LTBR: variants seen among roughly 807,000 people sequenced by gnomAD.
LTBR encodes the protein lymphotoxin beta receptor.
Under a neutral mutation model 45.4 loss-of-function variants are expected in LTBR, and 15 were observed. That is an observed-to-expected ratio of 0.33 (90% CI 0.22 to 0.51). LTBR has a LOEUF of 0.51. Ranked by LOEUF, LTBR falls within the 20% of genes least tolerant of loss-of-function variation. The pLI, the probability that LTBR is intolerant of heterozygous loss-of-function variation, is 0.97. For synonymous variants in LTBR, 228 were observed against 231.0 expected (o/e 0.99, Z 0.12); for missense variants, 450 against 565.5 (o/e 0.80, Z 2.07).
In LTBR at chr12:6,390,281, C is replaced by A; in HGVS notation, c.971C>A (p.Pro324His). ...GCAGGGGTGCCGCAACAGCAGAGTC[C>A]TCTGGACCTGACCAGGGAGCCGCAG... Reference protein sequence around the residue: ...LEAGVPQQQSPLDLTREPQLE... With the variant: ...LEAGVPQQQSHLDLTREPQLE... Residue 324 changes from proline to histidine, a missense_variant, in exon 9 of 10, where the codon CCT (proline) becomes CAT (histidine). Transcript: ENST00000228918. 6.2e-7 allele frequency: 1 copy of A among 1,613,888 alleles called. No homozygotes were observed. The highest frequency in any genetic ancestry group is 1.3e-5 in the African/African-American group (1 of 74,980).
chr12:6,384,246 T>C lies in LTBR; in HGVS notation c.-113T>C, dbSNP rs1949012101. 1 of 1,401,678 alleles carries C rather than the reference T, an allele frequency of 7.1e-7. No homozygotes were observed. The highest frequency in any genetic ancestry group is 1.5e-5 in the African/African-American group (1 of 66,654). The allele number at this position is 1,401,678 out of a possible 1,614,324, so 86.8% of individuals were successfully genotyped here. A position where few individuals can be genotyped will look rare whatever the true frequency, so the allele number is the denominator to read the frequency against. Reference sequence around the variant, plus strand: ...CCCTGGGGTGCACATCGGCCCTGAGTCCCGTCCCAGGCTCTGGGCTCGGGC... The same window carrying C: ...CCCTGGGGTGCACATCGGCCCTGAGCCCCGTCCCAGGCTCTGGGCTCGGGC... On this transcript the variant is annotated 5_prime_UTR_variant, in exon 1 of 10. Coordinates refer to ENST00000228918, the MANE Select transcript of LTBR (RefSeq NM_002342.3).
rs1949109709 is a variant in LTBR, at chr12:6,391,148, G to A, written c.*211G>A. 2.2e-6 allele frequency: 1 copy of A among 453,884 alleles called. No individual in the cohort carries two copies. Among genetic ancestry groups the A allele is most frequent in the Non-Finnish European group, 3.7e-6 (1 of 268,806 alleles). The allele number at this position is 453,884 out of a possible 1,614,324, so 28.1% of individuals were successfully genotyped here. A position where few individuals can be genotyped will look rare whatever the true frequency, so the allele number is the denominator to read the frequency against. ...CTCCCTACTGCCTGAGCAAACCTGA[G>A]GCCTCCCGGCAGACCCACCCACCCC... On this transcript the variant is annotated 3_prime_UTR_variant, in exon 10 of 10. Transcript: ENST00000228918.
Position 6,388,355 on chromosome 12 carries a change from C to T in LTBR, c.668-43C>T, listed in dbSNP as rs777441621. ...CTTCCTTCTCCTCCTCCCCTCTGCCCTTCTTGGGGCTGTGATCACCCTCCT... is the reference window on the plus strand; with the variant it reads ...CTTCCTTCTCCTCCTCCCCTCTGCCTTTCTTGGGGCTGTGATCACCCTCCT... On this transcript the variant is annotated intron_variant, in intron 6 of 9. Coordinates refer to ENST00000228918, the MANE Select transcript of LTBR (RefSeq NM_002342.3). The surrounding 1 kb of genome is among the most constrained non-coding windows in gnomAD (Gnocchi z 4.3). 2 of 1,462,438 alleles carry T rather than the reference C, an allele frequency of 1.4e-6. No homozygotes were observed. Among genetic ancestry groups the T allele is most frequent in the South Asian group, 2.3e-5 (2 of 88,126 alleles). The allele number at this position is 1,462,438 out of a possible 1,614,324, so 90.6% of individuals were successfully genotyped here.
chr12:6,388,922 C>A lies in LTBR; in HGVS notation c.801+97C>A. On this transcript the variant is annotated intron_variant, in intron 8 of 9. Coordinates refer to ENST00000228918, the MANE Select transcript of LTBR (RefSeq NM_002342.3). The surrounding 1 kb of genome is among the most constrained non-coding windows in gnomAD (Gnocchi z 4.3). ...AGAGAGTATGCAGGCTGACTCCACA[C>A]TCATTCATTCATTCAACTGATGATT... 1 of 1,405,216 alleles carries A rather than the reference C, an allele frequency of 7.1e-7. No individual in the cohort carries two copies. The highest frequency in any genetic ancestry group is 1.0e-6 in the Non-Finnish European group (1 of 995,464). 87.0% of individuals were successfully genotyped at this position (1,405,216 alleles called of 1,614,324 possible). A position where few individuals can be genotyped will look rare whatever the true frequency, so the allele number is the denominator to read the frequency against.
chr12:6,380,653 G>A (rs1948974087), upstream of LTBR, among the ~76,000 whole-genome samples: 1 of 149,852 alleles, frequency 6.7e-6, no homozygotes, highest in Non-Finnish European at 1.5e-5. Context: ...TTGCACCATT[G>A]CACTCCAGCC....
At position 6,386,993 on chromosome 12, in the gene LTBR, T is replaced by C. The variant is rs942243244; in HGVS notation, c.667+549T>C. On this transcript the variant is annotated intron_variant, in intron 6 of 9. Coordinates refer to ENST00000228918, the MANE Select transcript of LTBR (RefSeq NM_002342.3). This position sits in a 1 kb window ranked among gnomAD's most constrained non-coding sequence, Gnocchi z 4.1. ...CATTTACTAACTCATTTAATCTTCT[T>C]AATGATGCTATGAAGTAGATTCTAT... The C allele has an allele frequency of 2.6e-5, 4 of 152,558 alleles. No individual in the cohort carries two copies. Among genetic ancestry groups the C allele is most frequent in the Admixed American group, 1.3e-4 (2 of 15,318 alleles). 9.5% of individuals were successfully genotyped at this position (152,558 alleles called of 1,614,324 possible).
rs1949112106 is a variant in LTBR at position 6,391,366 on chromosome 12, T to C, written c.*429T>C. 1.3e-5 allele frequency: 2 copies of C among 156,320 alleles called. No individual in the cohort carries two copies. Among genetic ancestry groups the C allele is most frequent in the Admixed American group, 1.3e-4 (2 of 15,366 alleles). The allele number at this position is 156,320 out of a possible 1,614,324, so 9.7% of individuals were successfully genotyped here. On this transcript the variant is annotated 3_prime_UTR_variant, in exon 10 of 10. Transcript: ENST00000228918. The stretch of plus-strand genomic sequence containing the variant: ...ACCCTTTGGGGTTCCACACTTCACG[T>C]GGACTGAGGTAGACCCTGCATGAAG...
rs770859209 is a variant in LTBR, at chr12:6,390,297, G to A, written c.987G>A (p.Arg329=). The change falls in exon 9 of 10, where the codon AGG becomes AGA. Residue 329 remains arginine (R), a synonymous_variant. Coordinates refer to ENST00000228918, the MANE Select transcript of LTBR (RefSeq NM_002342.3). ...AGCAGAGTCCTCTGGACCTGACCAG[G>A]GAGCCGCAGTTGGAACCCGGGGAGC... ...PQQQSPLDLT[R]EPQLEPGEQS... The A allele has an allele frequency of 4.8e-5, 78 of 1,612,554 alleles. No homozygotes were observed. The highest frequency in any genetic ancestry group is 6.3e-5 in the Non-Finnish European group (74 of 1,179,040).
Position 6,386,115 on chromosome 12 carries a change from C to T in LTBR, c.522C>T (p.His174=), listed in dbSNP as rs770914569. The change falls in exon 5 of 10, where the codon CAC becomes CAT. Residue 174 remains histidine, a synonymous_variant. Coordinates refer to ENST00000228918, the MANE Select transcript of LTBR (RefSeq NM_002342.3). This position sits in a 1 kb window ranked among gnomAD's most constrained non-coding sequence, Gnocchi z 4.1. ...NNHCVPCKAG[H]FQNTSSPSAR... is the part of the protein sequence containing the mutation. ...ACTGCGTCCCCTGCAAGGCCGGGCA[C>T]TTCCAGAATACCTCCTCCCCCAGCG... 6.2e-7 allele frequency: 1 copy of T among 1,614,064 alleles called. No individual in the cohort carries two copies. The highest frequency in any genetic ancestry group is 8.5e-7 in the Non-Finnish European group (1 of 1,179,982).
upstream of LTBR, among the ~76,000 whole-genome samples, chr12:6,380,952 C>T (rs1010831966): frequency 2.0e-5 from 3 of 152,144 alleles, no homozygotes; most frequent in Non-Finnish European, 2.9e-5. Flanking sequence ...GCCCTGCCCG[C>T]GGTGAACCTG....
Position 6,386,560 on chromosome 12 carries a change from A to T in LTBR, c.667+116A>T. On this transcript the variant is annotated intron_variant, in intron 6 of 9. Transcript: ENST00000228918. The surrounding 1 kb of genome is among the most constrained non-coding windows in gnomAD (Gnocchi z 4.1). ...ACTTCCCTCCCAGAATTGGGCAAGA[A>T]GAAAGTTCCTTACAGAAAAAATTGG... 1.3e-6 allele frequency: 1 copy of T among 781,210 alleles called. No individual in the cohort carries two copies. The highest frequency in any genetic ancestry group is 2.1e-6 in the Non-Finnish European group (1 of 472,704). 48.4% of individuals were successfully genotyped at this position (781,210 alleles called of 1,614,324 possible).
chr12:6,375,555 G>A lies in LTBR; in HGVS notation c.-1G>A, dbSNP rs1003784925. ...GGAGCCCGCCCGCTGGCCGGCCAGG[G>A]ATGGAAGCGACAGGAATCTCATTAG... On this transcript the variant is annotated 5_prime_UTR_variant, in exon 1 of 10. Coordinates refer to the LTBR transcript ENST00000539925. 1.3e-5 allele frequency: 20 copies of A among 1,534,564 alleles called. No homozygotes were observed. In the East Asian group the frequency reaches 4.4e-4, roughly 34 times the overall value.
upstream of LTBR, among the ~76,000 whole-genome samples, chr12:6,380,550 G>A (rs1003975498): frequency 1.3e-5 from 2 of 152,164 alleles, no homozygotes; most frequent in Admixed American, 6.5e-5. Flanking sequence ...CGGGCCTGTT[G>A]GCGCATGCCT....
chr12:6,376,011 G>A (rs1203311586), intron 1 of LTBR: 7 of 1,002,696 alleles, frequency 7.0e-6, no homozygotes, highest in Non-Finnish European at 8.3e-6. Context: ...AGCACCAAAG[G>A]GAGTCTGTCT....
chr12:6,375,665 G>C, intron 1 of LTBR: 1 of 1,470,096 alleles, frequency 6.8e-7, no homozygotes, highest in Non-Finnish European at 9.0e-7. Flanking sequence ...GAGGGCTCCC[G>C]AGGGCAGGTG....
rs1411974574 is a variant in LTBR, at chr12:6,390,869, G to C, written c.1240G>C (p.Glu414Gln). The C allele has an allele frequency of 6.2e-7, 1 of 1,609,964 alleles. No individual in the cohort carries two copies. The highest frequency in any genetic ancestry group is 2.2e-5 in the East Asian group (1 of 44,792). Residue 414 changes from glutamate to glutamine, a missense_variant, in exon 10 of 10, where the codon GAG becomes CAG. By Grantham distance (29) the Glu-to-Gln change is conservative. Around this residue, in one of 3 missense-constraint regions of LTBR, gnomAD observed 71 missense variants for 90.4 expected, o/e 0.79. Coordinates refer to ENST00000228918, the MANE Select transcript of LTBR (RefSeq NM_002342.3). ...QEDGKAWHLA[E>Q]TEHCGATPSN... ...AGATGGCAAGGCTTGGCACCTAGCG[G>C]AGACAGAGCACTGTGGTGCCACACC...
At chr12:6,376,315 C>A (rs1038596699) in intron 1 of LTBR, 1 of 318,724 alleles carries the variant, frequency 3.1e-6, no homozygotes, top group African/African-American at 2.2e-5. Context: ...TAGGCGGGGC[C>A]CTAGGACATT....
chr12:6,375,610 G>A (rs1450672573), intron 1 of LTBR: 2 of 1,053,186 alleles, frequency 1.9e-6, no homozygotes, highest in South Asian at 1.3e-5. Context: ...CAGGGCGGGG[G>A]GAGGGGCTGA....
rs1949074982 is a variant in LTBR, at chr12:6,388,532, G to T, written c.775+27G>T. ...TAGGAAAGGGTTGGATGCAGTGGAT[G>T]GTTGGCAATGGGAGCCGGAGGGAGG... On this transcript the variant is annotated intron_variant, in intron 7 of 9. Transcript: ENST00000228918. This position sits in a 1 kb window ranked among gnomAD's most constrained non-coding sequence, Gnocchi z 4.3. 8.2e-6 allele frequency: 13 copies of T among 1,586,112 alleles called. No individual in the cohort carries two copies. The highest frequency in any genetic ancestry group is 1.1e-5 in the Non-Finnish European group (13 of 1,154,682).
Sources: allele counts gnomAD v4.1 joint callset (sites outside exome capture counted in the v4.1 genomes callset), GRCh38; gene constraint gnomAD v4.1.1; regional missense constraint gnomAD v4.1.1; non-coding constraint Gnocchi (gnomAD v3.1); transcripts MANE v1.5; gene names NCBI Gene and HGNC (gene_info 2026-07-23, HGNC 2026-07-21).